Variants in KLRG2 observed in about 807,000 individuals in gnomAD.
KLRG2 encodes killer cell lectin like receptor G2.
A neutral mutation model predicts 35.4 loss-of-function variants in KLRG2; 39 were observed. The observed-to-expected ratio is 1.10, with a 90% CI of 0.85 to 1.44. The LOEUF (loss-of-function observed/expected upper bound fraction) is 1.44. Among genes scored for constraint, KLRG2 ranks in the 40% most tolerant of loss-of-function variants. The pLI is 0.00. For synonymous variants in KLRG2, 283 were observed against 265.8 expected (o/e 1.06, Z -0.63); for missense variants, 632 against 570.9 (o/e 1.11, Z -1.09).
chr7:139,449,160 G>A (rs1332559315), downstream of KLRG2, among the ~76,000 whole-genome samples: 2 of 151,066 alleles, frequency 1.3e-5, no homozygotes, highest in African/African-American at 2.4e-5. Flanking sequence ...CCAGCACCTT[G>A]GGAGGCAGAG....
At chr7:139,467,232 C>T (rs1796675695) in intron 3 of KLRG2, among the ~76,000 whole-genome samples, 1 of 152,124 alleles carries the variant, frequency 6.6e-6, no homozygotes, top group African/African-American at 2.4e-5. Flanking sequence ...ATTTTCGCCG[C>T]CCCAACACTT....
At chr7:139,432,532 A>T in the KLRG2 span, among the ~76,000 whole-genome samples, 155 of 138,740 alleles carry the variant, frequency 1.1e-3, no homozygotes, top group African/African-American at 4.2e-3. Flanking sequence ...TCTATGGGGG[A>T]TTGATTGCAG....
chr7:139,428,322 T>C, the KLRG2 span, among the ~76,000 whole-genome samples: 1 of 152,124 alleles, frequency 6.6e-6, no homozygotes, highest in Non-Finnish European at 1.5e-5. Flanking sequence ...TGGCTTTCTA[T>C]AGTTTTGACC....
Position 139,483,317 on chromosome 7 carries a change from G to A in KLRG2, c.326C>T (p.Ala109Val), listed in dbSNP as rs12707447. 0.3 allele frequency: 469,788 copies of A among 1,546,124 alleles called. 75,073 individuals carry two copies. Among genetic ancestry groups the A allele is most frequent in the African/African-American group, 0.45 (31,608 of 70,986 alleles). Residue 109 changes from alanine to valine, a missense_variant, in exon 1 of 5, where the codon GCG becomes GTG. Physicochemically the swap from Ala to Val is moderately conservative, Grantham distance 64 (BLOSUM62 0). Coordinates refer to ENST00000340940, the MANE Select transcript of KLRG2 (RefSeq NM_198508.4). ...ALVKLPRNGE[A>V]PGAEPAPSAW... ...GCTGGGCGCAGGCTCAGCCCCGGGCGCCTCGCCATTCCGGGGCAGCTTGAC... is the reference window on the plus strand; with the variant it reads ...GCTGGGCGCAGGCTCAGCCCCGGGCACCTCGCCATTCCGGGGCAGCTTGAC...
At chr7:139,482,335 T>A (rs1796974770) in intron 1 of KLRG2, among the ~76,000 whole-genome samples, 1 of 152,072 alleles carries the variant, frequency 6.6e-6, no homozygotes, top group Admixed American at 6.6e-5. Flanking sequence ...CTGCGCATGC[T>A]AAGAGGGAAT....
At chr7:139,448,078 T>C (rs1481044582), downstream of KLRG2, among the ~76,000 whole-genome samples, 1 of 152,134 alleles carries the variant, frequency 6.6e-6, no homozygotes, top group Non-Finnish European at 1.5e-5. Flanking sequence ...CACTGCAGCC[T>C]CAACCTCCTA....
chr7:139,468,445 C>T (rs1365274748), intron 3 of KLRG2, among the ~76,000 whole-genome samples: 1 of 152,190 alleles, frequency 6.6e-6, no homozygotes, highest in East Asian at 1.9e-4. Context: ...CAACTGAGCA[C>T]CTTGTGACCC....
Position 139,454,137 on chromosome 7 carries a change from G to A in KLRG2, c.1083C>T (p.Ile361=), listed in dbSNP as rs370420517. 1.9e-6 allele frequency: 3 copies of A among 1,545,712 alleles called. No individual in the cohort carries two copies. Among genetic ancestry groups the A allele is most frequent in the South Asian group, 1.2e-5 (1 of 83,862 alleles). ...AWRGPQGWHW[I]DEAPLPPQLL... Reference sequence around the variant, plus strand: ...GCTGGGGCGGGAGTGGGGCCTCGTCGATCCAGTGCCAGCCCTGGGGGCCTC... The same window carrying A: ...GCTGGGGCGGGAGTGGGGCCTCGTCAATCCAGTGCCAGCCCTGGGGGCCTC... The change falls in exon 4 of 5, where the codon ATC becomes ATT. Residue 361 remains isoleucine (I), a synonymous_variant. Coordinates refer to ENST00000340940, the MANE Select transcript of KLRG2 (RefSeq NM_198508.4).
intron 4 of KLRG2, 68 bp downstream of exon 4, chr7:139,454,043 G>A: frequency 1.0e-6 from 1 of 987,816 alleles, no homozygotes; most frequent in Non-Finnish European, 1.6e-6. Context: ...GCAGCAAGGA[G>A]GTGGAGTCTG....
chr7:139,442,436 G>T, the KLRG2 span, among the ~76,000 whole-genome samples: 1 of 152,216 alleles, frequency 6.6e-6, no homozygotes, highest in Non-Finnish European at 1.5e-5. Flanking sequence ...GATAGGCCAG[G>T]CACGGTAGCT....
the KLRG2 span, among the ~76,000 whole-genome samples, chr7:139,445,522 G>T: frequency 6.6e-6 from 1 of 151,902 alleles, no homozygotes; most frequent in African/African-American, 2.4e-5. Context: ...GTGACAGGTG[G>T]GCTTGAGAAA....
chr7:139,456,015 T>C (rs991220510), intron 3 of KLRG2, among the ~76,000 whole-genome samples: 1 of 151,726 alleles, frequency 6.6e-6, no homozygotes, highest in African/African-American at 2.4e-5. Flanking sequence ...TATGAAATCA[T>C]GCCATGTAAA....
intron 3 of KLRG2, among the ~76,000 whole-genome samples, chr7:139,459,608 C>G (rs781434612): frequency 4.6e-5 from 7 of 152,190 alleles, no homozygotes; most frequent in Non-Finnish European, 8.8e-5. Context: ...GAAACTGATC[C>G]CTACTGAGCT....
chr7:139,432,687 A>G, the KLRG2 span, among the ~76,000 whole-genome samples: 1 of 152,006 alleles, frequency 6.6e-6, no homozygotes, highest in African/African-American at 2.4e-5. Flanking sequence ...CAAGTCTCTC[A>G]TACAAAATGG....
At position 139,471,279 on chromosome 7, in the gene KLRG2, TTA is replaced by T. The variant is rs111416848; in HGVS notation, c.1005+8346_1005+8347del. Among the ~76,000 whole-genome samples the T allele has an allele frequency of 9.3e-3, 1,419 of 152,306 alleles. 25 individuals are homozygous for T. The highest frequency in any genetic ancestry group is 0.031 in the African/African-American group (1,276 of 41,562). On this transcript the variant is annotated intron_variant, in intron 3 of 4. Coordinates refer to ENST00000340940, the MANE Select transcript of KLRG2 (RefSeq NM_198508.4). ...TAAAATTTATTTTCTTTCTAAATGT[TTA>T]TGTTTTCCAAACTTTTTGCAGTGAA...
rs991488053 is a variant in KLRG2, at chr7:139,454,153, T to C, written c.1067A>G (p.Gln356Arg). ...GGCCTCGTCGATCCAGTGCCAGCCC[T>C]GGGGGCCTCGCCAGGCCCCCACCCA... ...HSWVGAWRGP[Q>R]GWHWIDEAPL... is the part of the protein sequence containing the mutation. Residue 356 changes from glutamine (Q) to arginine (R), a missense_variant, in exon 4 of 5, where the codon CAG becomes CGG. Gln to Arg is a conservative substitution (Grantham distance 43). Transcript: ENST00000340940. The C allele has an allele frequency of 1.3e-6, 2 of 1,545,788 alleles. No homozygotes were observed. The highest frequency in any genetic ancestry group is 1.4e-5 in the African/African-American group (1 of 72,560).
chr7:139,450,885 G>A (rs1467513261), downstream of KLRG2, among the ~76,000 whole-genome samples: 2 of 152,278 alleles, frequency 1.3e-5, no homozygotes, highest in Non-Finnish European at 1.5e-5. Flanking sequence ...TGTGACACTG[G>A]GTGACTTCTG....
rs967438639 is a variant in KLRG2 at position 139,453,417 on chromosome 7, T to C, written c.*170A>G. 9.4e-6 allele frequency: 6 copies of C among 635,172 alleles called. No individual in the cohort carries two copies. Among genetic ancestry groups the C allele is most frequent in the Non-Finnish European group, 1.3e-5 (5 of 377,894 alleles). The allele number at this position is 635,172 out of a possible 1,614,324, so 39.3% of individuals were successfully genotyped here. On this transcript the variant is annotated 3_prime_UTR_variant, in exon 5 of 5. Transcript: ENST00000340940. ...GAAAATCTCCTTTCCCTCGGATGCA[T>C]CTTCCTGGGTTGAAGTCCAGCTCCT... is the stretch of plus-strand genomic sequence containing the variant.
At chr7:139,449,885 T>C (rs976288495), downstream of KLRG2, among the ~76,000 whole-genome samples, 6 of 149,358 alleles carry the variant, frequency 4.0e-5, no homozygotes, top group African/African-American at 9.9e-5. Context: ...GTATTTTTAG[T>C]AGAGACAGGG....
Sources: gnomAD v4.1 joint callset for allele counts (sites outside exome capture counted in the v4.1 genomes callset) on GRCh38, gnomAD v4.1.1 for gene constraint, MANE v1.5 for transcripts, NCBI Gene and HGNC (gene_info 2026-07-23, HGNC 2026-07-21) for gene names.